Variants in FAM135A observed in about 807,000 individuals in gnomAD.
FAM135A encodes protein FAM135A.
FAM135A carries 79 observed loss-of-function variants against 146.8 expected under a neutral mutation model. That is an observed-to-expected ratio of 0.54 (90% CI 0.45 to 0.65). FAM135A has a LOEUF of 0.65. FAM135A is among the 30% of genes least tolerant of loss of function. The pLI, the probability that FAM135A is intolerant of heterozygous loss-of-function variation, is 0.00. For synonymous variants in FAM135A, 562 were observed against 603.6 expected (o/e 0.93, Z 1.01); for missense variants, 1,623 against 1,758.2 (o/e 0.92, Z 1.38).
At chr6:70,419,538 T>A (rs1271587057) in intron 2 of FAM135A, among the ~76,000 whole-genome samples, 2 of 152,268 alleles carry the variant, frequency 1.3e-5, no homozygotes, top group African/African-American at 4.8e-5. Context: ...AACCTCCTTC[T>A]AGATTTAGAA....
At chr6:70,497,642 A>G in intron 11 of FAM135A, among the ~76,000 whole-genome samples, 1 of 152,172 alleles carries the variant, frequency 6.6e-6, no homozygotes, top group East Asian at 1.9e-4. Flanking sequence ...TTTGTCATAA[A>G]TAGCTCTTAT....
At chr6:70,523,419 G>A (rs1435511113) in intron 13 of FAM135A, among the ~76,000 whole-genome samples, 1 of 152,046 alleles carries the variant, frequency 6.6e-6, no homozygotes, top group Non-Finnish European at 1.5e-5. Context: ...TATGTATATG[G>A]GGTATTTTAT....
intron 5 of FAM135A, among the ~76,000 whole-genome samples, chr6:70,455,750 T>C (rs1778226241): frequency 6.6e-6 from 1 of 152,206 alleles, no homozygotes; most frequent in African/African-American, 2.4e-5. Flanking sequence ...TGACATATAT[T>C]CCACAAGGTT....
At chr6:70,413,871 C>G (rs1204141298) in intron 1 of FAM135A, 169 bp downstream of exon 1, 59 of 985,298 alleles carry the variant, frequency 6.0e-5, no homozygotes, top group Non-Finnish European at 7.0e-5. Context: ...GCCCCGGCCC[C>G]GTTGAAGGTC....
chr6:70,440,719 G>T (rs1467339909), intron 4 of FAM135A, among the ~76,000 whole-genome samples: 2 of 152,118 alleles, frequency 1.3e-5, no homozygotes, highest in Non-Finnish European at 2.9e-5. Context: ...TAAGTATTCA[G>T]TTTGAAAAGA....
At chr6:70,446,124 TG>T (rs1775674918) in intron 4 of FAM135A, among the ~76,000 whole-genome samples, 1 of 152,234 alleles carries the variant, frequency 6.6e-6, no homozygotes, top group African/African-American at 2.4e-5. Flanking sequence ...GTACCTGGGA[TG>T]CTTTAAATAT....
chr6:70,472,333 C>T (rs1241801949), intron 5 of FAM135A, among the ~76,000 whole-genome samples: 2 of 152,288 alleles, frequency 1.3e-5, no homozygotes, highest in Non-Finnish European at 1.5e-5. Flanking sequence ...AGTTGAGTTT[C>T]TGGTCTGCTT....
In FAM135A at chr6:70,414,863, G is replaced by T. The variant is rs182737592; in HGVS notation, c.-219-428G>T. 3.9e-5 allele frequency among the ~76,000 whole-genome samples: 6 copies of T among 152,300 alleles called. No individual in the cohort carries two copies. The East Asian group carries it at 5.8e-4, about 15-fold the overall frequency. On this transcript the variant is annotated intron_variant, in intron 1 of 21. Coordinates refer to ENST00000418814, the MANE Select transcript of FAM135A (RefSeq NM_001162529.3). ...AATGGGTTAAGACTTGTTAAAGGTT[G>T]ACCTACAAACATACACTTAAAATTT...
intron 2 of FAM135A, among the ~76,000 whole-genome samples, chr6:70,416,966 G>T (rs1466478184): frequency 6.6e-6 from 1 of 152,078 alleles, no homozygotes; most frequent in African/African-American, 2.4e-5. Context: ...TACATACTTG[G>T]TTATTGATAA....
In FAM135A at chr6:70,502,717, G is replaced by A. The variant is rs768053354; in HGVS notation, c.955G>A (p.Gly319Arg). ...TTGCTCACTTTTGATGGCTTTATGG[G>A]GACAGTTTCTGGAAGTTATAACGCT... ...QLCSLLMALWGQFLEVITLHE... is the reference protein window; with the variant it reads ...QLCSLLMALWRQFLEVITLHE... Residue 319 changes from glycine to arginine, a missense_variant, in exon 12 of 22, where the codon GGA (glycine) becomes AGA (arginine). By Grantham distance (125) the Gly-to-Arg change is moderately radical. This residue lies in a region of FAM135A where 206 missense variants were observed against 194.7 expected (regional missense o/e 1.06). Coordinates refer to ENST00000418814, the MANE Select transcript of FAM135A (RefSeq NM_001162529.3). 1.2e-6 allele frequency: 2 copies of A among 1,612,812 alleles called. No individual in the cohort carries two copies. Among genetic ancestry groups the A allele is most frequent in the East Asian group, 2.2e-5 (1 of 44,774 alleles).
chr6:70,477,685 T>C (rs1782886576), intron 8 of FAM135A, among the ~76,000 whole-genome samples: 1 of 152,158 alleles, frequency 6.6e-6, no homozygotes, highest in South Asian at 2.1e-4. Flanking sequence ...TCTGTCCCCC[T>C]GATCTAATCA....
intron 20 of FAM135A, among the ~76,000 whole-genome samples, chr6:70,539,811 C>T (rs1270832572): frequency 2.6e-5 from 4 of 152,084 alleles, no homozygotes; most frequent in Admixed American, 2.0e-4. Flanking sequence ...CTGGCTAACA[C>T]GGTGAAACCC....
chr6:70,475,482 A>G lies in FAM135A; in HGVS notation c.230A>G (p.Lys77Arg). Residue 77 changes from lysine to arginine, a missense_variant, in exon 6 of 22, where the codon AAA (lysine) becomes AGA (arginine). Lys to Arg is a conservative substitution (Grantham distance 26, BLOSUM62 2). Coordinates refer to ENST00000418814, the MANE Select transcript of FAM135A (RefSeq NM_001162529.3). ...AGTAAAACATTTCAAATTTTGTACAAAAATGAAGAGGTTGTTTTAAATGAT... is the reference window on the plus strand; with the variant it reads ...AGTAAAACATTTCAAATTTTGTACAGAAATGAAGAGGTTGTTTTAAATGAT... ...ICSKTFQILY[K>R]NEEVVLNDVM... 1 of 1,606,498 alleles carries G rather than the reference A, an allele frequency of 6.2e-7. No homozygotes were observed. Among genetic ancestry groups the G allele is most frequent in the Non-Finnish European group, 8.5e-7 (1 of 1,177,402 alleles).
At chr6:70,559,427 G>C (rs571352820) in intron 21 of FAM135A, among the ~76,000 whole-genome samples, 1 of 149,976 alleles carries the variant, frequency 6.7e-6, no homozygotes, top group East Asian at 2.0e-4. Context: ...GGCAACAAGA[G>C]TGAAACTCCA....
chr6:70,415,378 T>C lies in FAM135A; in HGVS notation c.-134+2T>C, dbSNP rs2127664797. The C allele has an allele frequency of 6.6e-6, 1 of 152,106 alleles. No individual in the cohort carries two copies. The highest frequency in any genetic ancestry group is 1.9e-4 in the East Asian group (1 of 5,196). 9.4% of individuals were successfully genotyped at this position (152,106 alleles called of 1,614,324 possible). A position where few individuals can be genotyped will look rare whatever the true frequency, so the allele number is the denominator to read the frequency against. On this transcript the variant is annotated splice_donor_variant, in intron 2 of 21. Transcript: ENST00000418814. LOFTEE classifies it low-confidence loss of function (5UTR_SPLICE). ...TCTTCCTTATGTTGTCTGTGTCAGG[T>C]AGGAATTAAGTTTTCTGTTTCTGTT...
At chr6:70,537,059 C>T (rs924627224) in intron 19 of FAM135A, among the ~76,000 whole-genome samples, 1 of 151,688 alleles carries the variant, frequency 6.6e-6, no homozygotes, top group African/African-American at 2.4e-5. Flanking sequence ...CCTCAGCCTC[C>T]GGAGTAGCTG....
rs772935543 is a variant in FAM135A at position 70,486,276 on chromosome 6, C to A, written c.823+4122C>A. On this transcript the variant is annotated intron_variant, in intron 10 of 21. Coordinates refer to ENST00000418814, the MANE Select transcript of FAM135A (RefSeq NM_001162529.3). ...TTACAAATAGCTTAAGTAAATGATC[C>A]CTTTTAATTAAAAAGTATGAAATTT... 1.6e-5 allele frequency: 26 copies of A among 1,581,500 alleles called. No individual in the cohort carries two copies. The South Asian group carries it at 1.9e-4, about 12-fold the overall frequency.
intron 18 of FAM135A, 108 bp from the exon 19 acceptor site, chr6:70,536,152 G>A: frequency 6.6e-6 from 7 of 1,057,582 alleles, no homozygotes; most frequent in Non-Finnish European, 7.9e-6. Context: ...TACAACATTA[G>A]AAATTTTCAA....
chr6:70,541,561 T>G (rs1265802413), intron 20 of FAM135A, among the ~76,000 whole-genome samples: 1 of 152,194 alleles, frequency 6.6e-6, no homozygotes, highest in Non-Finnish European at 1.5e-5. Context: ...AAAGCTGTTC[T>G]TGTGTTTTAG....
Sources: gnomAD v4.1 joint callset for allele counts (sites outside exome capture counted in the v4.1 genomes callset) on GRCh38, gnomAD v4.1.1 for gene constraint, gnomAD v4.1.1 regional missense constraint, MANE v1.5 for transcripts, NCBI Gene and HGNC (gene_info 2026-07-23, HGNC 2026-07-21) for gene names.